Variants in NFKB2 observed in about 807,000 individuals in gnomAD.
The protein encoded by NFKB2 is nuclear factor kappa B subunit 2, also known as nuclear factor NF-kappa-B p100 subunit.
Under a neutral mutation model 109.3 loss-of-function variants are expected in NFKB2, and 21 were observed. That is an observed-to-expected ratio of 0.19 (90% CI 0.14 to 0.28). The LOEUF (loss-of-function observed/expected upper bound fraction) is 0.28. NFKB2 is among the 10% of genes least tolerant of loss of function. The probability of loss-of-function intolerance (pLI) is 1.00; values close to 1 mark genes in which losing one functional copy is unlikely to be tolerated. For missense variants in NFKB2, 806 were observed against 1,185.3 expected, an observed-to-expected ratio of 0.68 and a Z score of 4.70; for synonymous variants, 478 against 489.9, an observed-to-expected ratio of 0.98 and a Z score of 0.32.
rs1028842742 is a variant in NFKB2, at chr10:102,400,591, T to A, written c.1799-64T>A. ...ACTATGAGGTGTCGAGATTGAATGG[T>A]CAGGGCTGGTCCAGGGGCTGCCTTA... On this transcript the variant is annotated intron_variant, in intron 16 of 22. Transcript: ENST00000661543. The surrounding 1 kb of genome is among the most constrained non-coding windows in gnomAD (Gnocchi z 6.3). The A allele has an allele frequency of 2.6e-5, 42 of 1,602,996 alleles. No homozygotes were observed. The highest frequency in any genetic ancestry group is 3.4e-5 in the Non-Finnish European group (40 of 1,173,110).
chr10:102,401,194 G>A lies in NFKB2; in HGVS notation c.2086G>A (p.Ala696Thr), dbSNP rs377677859. Residue 696 changes from alanine to threonine, a missense_variant, in exon 19 of 23, where the codon GCT becomes ACT. Around this residue, in one of 10 missense-constraint regions of NFKB2, gnomAD observed 211 missense variants for 268.7 expected, o/e 0.79. Coordinates refer to ENST00000661543, the MANE Select transcript of NFKB2 (RefSeq NM_001322934.2). This position sits in a 1 kb window ranked among gnomAD's most constrained non-coding sequence, Gnocchi z 4.2. ...LLLKAGADIH[A>T]ENEEPLCPLP... ...CCCTCTCCCAGGTGCTGACATCCAT[G>A]CTGAAAACGAGGAGCCCCTGTGCCC... 52 of 1,593,670 alleles carry A rather than the reference G, an allele frequency of 3.3e-5. No homozygotes were observed. The highest frequency in any genetic ancestry group is 4.4e-5 in the Non-Finnish European group (51 of 1,167,800).
chr10:102,398,936 G>A lies in NFKB2; in HGVS notation c.1117+72G>A. The A allele has an allele frequency of 3.4e-6, 5 of 1,492,042 alleles. No individual in the cohort carries two copies. The highest frequency in any genetic ancestry group is 2.5e-5 in the South Asian group (2 of 79,234). 92.4% of individuals were successfully genotyped at this position (1,492,042 alleles called of 1,614,324 possible). A position where few individuals can be genotyped will look rare whatever the true frequency, so the allele number is the denominator to read the frequency against. ...GGAGGAAAAAAATCTGGGGGAGGCC[G>A]GGCGTGGTGGCTCACGCCTGTAATC... On this transcript the variant is annotated intron_variant, in intron 12 of 22. Coordinates refer to ENST00000661543, the MANE Select transcript of NFKB2 (RefSeq NM_001322934.2). The surrounding 1 kb of genome is among the most constrained non-coding windows in gnomAD (Gnocchi z 6.6).
chr10:102,401,618 C>G lies in NFKB2; in HGVS notation c.2293+100C>G. 6.6e-7 allele frequency: 1 copy of G among 1,523,692 alleles called. No homozygotes were observed. The highest frequency in any genetic ancestry group is 1.8e-5 in the Admixed American group (1 of 54,954). The allele number at this position is 1,523,692 out of a possible 1,614,324, so 94.4% of individuals were successfully genotyped here. A position where few individuals can be genotyped will look rare whatever the true frequency, so the allele number is the denominator to read the frequency against. Reference sequence around the variant, plus strand: ...AAGGAGGCCTCCCTTTCTCTACCCTCAGCCCCGTCCATCACCCCTCATGGT... The same window carrying G: ...AAGGAGGCCTCCCTTTCTCTACCCTGAGCCCCGTCCATCACCCCTCATGGT... On this transcript the variant is annotated intron_variant, in intron 20 of 22. Transcript: ENST00000661543. The surrounding 1 kb of genome is among the most constrained non-coding windows in gnomAD (Gnocchi z 4.2).
At position 102,400,978 on chromosome 10, in the gene NFKB2, C is replaced by T. The variant is rs756417173; in HGVS notation, c.2000C>T (p.Ala667Val). The T allele has an allele frequency of 5.0e-6, 8 of 1,613,872 alleles. No individual in the cohort carries two copies. The highest frequency in any genetic ancestry group is 2.2e-5 in the East Asian group (1 of 44,880). ...LRANVNARTF[A>V]GNTPLHLAAG... ...GCCAACGTGAACGCTCGCACCTTTG[C>T]GGGAAACACACCCCTGCACCTGGCA... The change falls in exon 18 of 23, where the codon GCG (alanine) becomes GTG (valine). Residue 667 changes from alanine to valine, a missense_variant. Around this residue, in one of 10 missense-constraint regions of NFKB2, gnomAD observed 24 missense variants for 23.5 expected, o/e 1.02. Coordinates refer to ENST00000661543, the MANE Select transcript of NFKB2 (RefSeq NM_001322934.2). This position sits in a 1 kb window ranked among gnomAD's most constrained non-coding sequence, Gnocchi z 6.3.
Position 102,397,919 on chromosome 10 carries a change from A to G in NFKB2, c.662-62A>G. ...CTGAGATAAGGAATACAAAGCCCCC[A>G]GCTTCTTAAATGTGGCCTTGGCTAT... On this transcript the variant is annotated intron_variant, in intron 8 of 22. Coordinates refer to ENST00000661543, the MANE Select transcript of NFKB2 (RefSeq NM_001322934.2). The surrounding 1 kb of genome is among the most constrained non-coding windows in gnomAD (Gnocchi z 4.7). The G allele has an allele frequency of 9.7e-6, 15 of 1,541,786 alleles. No homozygotes were observed. The highest frequency in any genetic ancestry group is 1.3e-5 in the Non-Finnish European group (14 of 1,115,986).
Position 102,397,377 on chromosome 10 carries a change from G to A in NFKB2, c.471G>A (p.Gln157=), listed in dbSNP as rs770456871. The A allele has an allele frequency of 6.2e-7, 1 of 1,613,678 alleles. No homozygotes were observed. The highest frequency in any genetic ancestry group is 1.3e-5 in the African/African-American group (1 of 74,846). Residue 157 remains glutamine (Q), a synonymous_variant, in exon 7 of 23, where the codon CAG becomes CAA. Transcript: ENST00000661543. This position sits in a 1 kb window ranked among gnomAD's most constrained non-coding sequence, Gnocchi z 4.7. ...CTATGATACAAAAACTTCAGAGGCA[G>A]CGGCTCCGCTCTAGGCCCCAGGGCC... ...MGTMIQKLQR[Q]RLRSRPQGLT...
At position 102,400,688 on chromosome 10, in the gene NFKB2, G is replaced by A. The variant is rs766330104; in HGVS notation, c.1832G>A (p.Arg611Gln). 9.9e-6 allele frequency: 16 copies of A among 1,613,934 alleles called. No homozygotes were observed. The highest frequency in any genetic ancestry group is 5.5e-5 in the South Asian group (5 of 91,070). Reference protein sequence around the residue: ...LYPVHLAVRARSPECLDLLVD... With the variant: ...LYPVHLAVRAQSPECLDLLVD... ...CCAGTACACCTGGCAGTCCGAGCCC[G>A]AAGCCCTGAGTGCCTGGATCTGCTG... Residue 611 changes from arginine (R) to glutamine (Q), a missense_variant, in exon 17 of 23, where the codon CGA (arginine) becomes CAA (glutamine). Coordinates refer to ENST00000661543, the MANE Select transcript of NFKB2 (RefSeq NM_001322934.2). The surrounding 1 kb of genome is among the most constrained non-coding windows in gnomAD (Gnocchi z 6.3).
Position 102,400,979 on chromosome 10 carries a change from G to A in NFKB2, c.2001G>A (p.Ala667=), listed in dbSNP as rs944124507. 10 of 1,613,948 alleles carry A rather than the reference G, an allele frequency of 6.2e-6. No homozygotes were observed. The East Asian group carries it at 8.9e-5, about 14-fold the overall frequency. The part of the protein sequence containing the change: ...LRANVNARTF[A]GNTPLHLAAG... ...CCAACGTGAACGCTCGCACCTTTGCGGGAAACACACCCCTGCACCTGGCAG... is the reference window on the plus strand; with the variant it reads ...CCAACGTGAACGCTCGCACCTTTGCAGGAAACACACCCCTGCACCTGGCAG... Residue 667 remains alanine, a synonymous_variant, in exon 18 of 23, where the codon GCG becomes GCA. Coordinates refer to ENST00000661543, the MANE Select transcript of NFKB2 (RefSeq NM_001322934.2). The surrounding 1 kb of genome is among the most constrained non-coding windows in gnomAD (Gnocchi z 6.3).
rs749032341 is a variant in NFKB2 at position 102,402,166 on chromosome 10, G to A, written c.2578+7G>A. 1.7e-5 allele frequency: 26 copies of A among 1,563,278 alleles called. No individual in the cohort carries two copies. The highest frequency in any genetic ancestry group is 5.2e-6 in the Non-Finnish European group (6 of 1,153,386). On this transcript the variant is annotated splice_region_variant and intron_variant, in intron 22 of 22. Coordinates refer to ENST00000661543, the MANE Select transcript of NFKB2 (RefSeq NM_001322934.2). ...GACAAGCTGCCCAGCACAGGTAAAG[G>A]GGCCTCCCTGGAAGGTGGATCTGGA...
In NFKB2 at chr10:102,399,433, G is replaced by A. The variant is rs745393393; in HGVS notation, c.1263G>A (p.Ala421=). The stretch of plus-strand genomic sequence containing the variant: ...GCAGGGACTCCGGGGAGGAAGCCGC[G>A]GAGCCAAGCGCCCCCTCCAGGACCC... ...VPSRDSGEEA[A]EPSAPSRTPQ... The change falls in exon 13 of 23, where the codon GCG becomes GCA. Residue 421 remains alanine (A), a synonymous_variant. Transcript: ENST00000661543. The A allele has an allele frequency of 6.6e-7, 1 of 1,520,790 alleles. No individual in the cohort carries two copies. Among genetic ancestry groups the A allele is most frequent in the Non-Finnish European group, 8.8e-7 (1 of 1,132,026 alleles). The allele number at this position is 1,520,790 out of a possible 1,614,324, so 94.2% of individuals were successfully genotyped here.
rs747854969 is a variant in NFKB2, at chr10:102,398,844, G to A, written c.1097G>A (p.Gly366Asp). 4.8e-5 allele frequency: 77 copies of A among 1,600,604 alleles called. No individual in the cohort carries two copies. The highest frequency in any genetic ancestry group is 6.4e-5 in the Non-Finnish European group (75 of 1,173,942). The change falls in exon 12 of 23, where the codon GGC becomes GAC. Residue 366 changes from glycine (G) to aspartate (D), a missense_variant. By Grantham distance (94) the Gly-to-Asp change is moderately conservative. Around this residue, in one of 10 missense-constraint regions of NFKB2, gnomAD observed 209 missense variants for 211.9 expected, o/e 0.99. Transcript: ENST00000661543. This position sits in a 1 kb window ranked among gnomAD's most constrained non-coding sequence, Gnocchi z 6.6. Reference sequence around the variant, plus strand: ...GGAGGCTCTGGGGGTGCAGCCGGGGGCTACGGAGGAGCTGGAGGAGGTGAG... The same window carrying A: ...GGAGGCTCTGGGGGTGCAGCCGGGGACTACGGAGGAGCTGGAGGAGGTGAG... Reference protein sequence around the residue: ...MGGGSGGAAGGYGGAGGGGSL... With the variant: ...MGGGSGGAAGDYGGAGGGGSL...
chr10:102,397,398 G>A lies in NFKB2; in HGVS notation c.492G>A (p.Gln164=), dbSNP rs762874801. 3 of 1,613,586 alleles carry A rather than the reference G, an allele frequency of 1.9e-6. No homozygotes were observed. The highest frequency in any genetic ancestry group is 2.5e-6 in the Non-Finnish European group (3 of 1,179,822). ...LQRQRLRSRP[Q]GLTEAEQREL... is the part of the protein sequence containing the mutation. ...GGCAGCGGCTCCGCTCTAGGCCCCA[G>A]GGCCTTACGGGTATGGGTGCAGGGG... The change falls in exon 7 of 23, where the codon CAG becomes CAA. Residue 164 remains glutamine, a synonymous_variant. Coordinates refer to ENST00000661543, the MANE Select transcript of NFKB2 (RefSeq NM_001322934.2). The surrounding 1 kb of genome is among the most constrained non-coding windows in gnomAD (Gnocchi z 4.7).
chr10:102,397,652 A>G lies in NFKB2; in HGVS notation c.628A>G (p.Lys210Glu), dbSNP rs767141765. Residue 210 changes from lysine (K) to glutamate (E), a missense_variant, in exon 8 of 23, where the codon AAG becomes GAG. Around this residue, in one of 10 missense-constraint regions of NFKB2, gnomAD observed 64 missense variants for 177.4 expected, o/e 0.36. Coordinates refer to ENST00000661543, the MANE Select transcript of NFKB2 (RefSeq NM_001322934.2). This position sits in a 1 kb window ranked among gnomAD's most constrained non-coding sequence, Gnocchi z 4.7. ...ASDGSFSLPL[K>E]PVISQPIHDS... ...TGATGGCTCCTTCTCCCTGCCCCTG[A>G]AGCCAGTCATCTCCCAGCCCATCCA... 10 of 1,613,200 alleles carry G rather than the reference A, an allele frequency of 6.2e-6. No individual in the cohort carries two copies. The South Asian group carries it at 1.1e-4, about 18-fold the overall frequency.
intron 14 of NFKB2, 91 bp downstream of exon 14, chr10:102,399,809 C>G (rs1207975226): frequency 1.4e-6 from 2 of 1,424,250 alleles, no homozygotes; most frequent in African/African-American, 1.4e-5. Context: ...TCGGACACGC[C>G]AGGCTTCAAG....
rs778875627 is a variant in NFKB2 at position 102,398,328 on chromosome 10, G to GA, written c.852+31_852+32insA. ...CAGGGCTAGGGCCCGGGCCCGGGCT[G>GA]GGGGCTAAATTAGGCTAAGGACTCA... On this transcript the variant is annotated intron_variant, in intron 10 of 22. Transcript: ENST00000661543. The surrounding 1 kb of genome is among the most constrained non-coding windows in gnomAD (Gnocchi z 6.6). 27 of 1,613,900 alleles carry GA rather than the reference G, an allele frequency of 1.7e-5. No homozygotes were observed. The South Asian group carries it at 3.0e-4, about 18-fold the overall frequency.
chr10:102,397,754 G>A lies in NFKB2; in HGVS notation c.661+69G>A, dbSNP rs1030883256. On this transcript the variant is annotated intron_variant, in intron 8 of 22. Coordinates refer to ENST00000661543, the MANE Select transcript of NFKB2 (RefSeq NM_001322934.2). The surrounding 1 kb of genome is among the most constrained non-coding windows in gnomAD (Gnocchi z 4.7). ...GTGGCATGAGGGGTGACCTCAAGCT[G>A]TGCAGTCAAACAGACCCAGGTTTCA... The A allele has an allele frequency of 5.8e-6, 9 of 1,548,782 alleles. No homozygotes were observed. The highest frequency in any genetic ancestry group is 8.8e-7 in the Non-Finnish European group (1 of 1,138,310).
In NFKB2 at chr10:102,399,431, G is replaced by T; in HGVS notation, c.1261G>T (p.Ala421Ser). The T allele has an allele frequency of 6.6e-7, 1 of 1,520,116 alleles. No individual in the cohort carries two copies. 94.2% of individuals were successfully genotyped at this position (1,520,116 alleles called of 1,614,324 possible). A position where few individuals can be genotyped will look rare whatever the true frequency, so the allele number is the denominator to read the frequency against. The part of the protein sequence containing the change: ...VPSRDSGEEA[A>S]EPSAPSRTPQ... ...CAGCAGGGACTCCGGGGAGGAAGCC[G>T]CGGAGCCAAGCGCCCCCTCCAGGAC... Residue 421 changes from alanine (A) to serine (S), a missense_variant, in exon 13 of 23, where the codon GCG becomes TCG. By Grantham distance (99) the Ala-to-Ser change is moderately conservative. Coordinates refer to ENST00000661543, the MANE Select transcript of NFKB2 (RefSeq NM_001322934.2).
Position 102,396,183 on chromosome 10 carries a change from T to G in NFKB2, c.22-70T>G. ...GAGGGGGGAGTGACCACTGAAGACT[T>G]GGAGATGGGAGGTGGGGCTGTGGGG... On this transcript the variant is annotated intron_variant, in intron 2 of 22. Coordinates refer to ENST00000661543, the MANE Select transcript of NFKB2 (RefSeq NM_001322934.2). This position sits in a 1 kb window ranked among gnomAD's most constrained non-coding sequence, Gnocchi z 5.9. 6.5e-7 allele frequency: 1 copy of G among 1,533,044 alleles called. No homozygotes were observed. The highest frequency in any genetic ancestry group is 9.0e-7 in the Non-Finnish European group (1 of 1,116,324). 95.0% of individuals were successfully genotyped at this position (1,533,044 alleles called of 1,614,324 possible). A position where few individuals can be genotyped will look rare whatever the true frequency, so the allele number is the denominator to read the frequency against.
In NFKB2 at chr10:102,400,989, C is replaced by G. The variant is rs758117303; in HGVS notation, c.2011C>G (p.Pro671Ala). Residue 671 changes from proline to alanine, a missense_variant, in exon 18 of 23, where the codon CCC becomes GCC. Coordinates refer to ENST00000661543, the MANE Select transcript of NFKB2 (RefSeq NM_001322934.2). The surrounding 1 kb of genome is among the most constrained non-coding windows in gnomAD (Gnocchi z 6.3). ...CGCTCGCACCTTTGCGGGAAACACA[C>G]CCCTGCACCTGGCAGCTGGACTGGG... Reference protein sequence around the residue: ...VNARTFAGNTPLHLAAGLGYP... With the variant: ...VNARTFAGNTALHLAAGLGYP... 6.2e-7 allele frequency: 1 copy of G among 1,614,094 alleles called. No individual in the cohort carries two copies. The highest frequency in any genetic ancestry group is 2.2e-5 in the East Asian group (1 of 44,886).
Sources: allele counts gnomAD v4.1 joint callset, GRCh38; gene constraint gnomAD v4.1.1; regional missense constraint gnomAD v4.1.1; non-coding constraint Gnocchi (gnomAD v3.1); transcripts MANE v1.5; gene names NCBI Gene and HGNC (gene_info 2026-07-23, HGNC 2026-07-21).